Variants in TASP1 observed in about 807,000 individuals in gnomAD.
The protein encoded by TASP1 is threonine aspartase 1.
In TASP1, 16 loss-of-function variants were observed where a neutral mutation model predicts 56.6. That is an observed-to-expected ratio of 0.28 (90% CI 0.19 to 0.43). The LOEUF is 0.43. Among genes scored for constraint, TASP1 ranks in the 20% least tolerant of loss-of-function variants. The pLI, the probability that TASP1 is intolerant of heterozygous loss-of-function variation, is 1.00. For missense variants in TASP1, 393 were observed against 511.6 expected, an observed-to-expected ratio of 0.77 and a Z score of 2.24; for synonymous variants, 179 against 184.2, an observed-to-expected ratio of 0.97 and a Z score of 0.23.
At chr20:13,508,407 T>G (rs1053566674) in intron 10 of TASP1, among the ~76,000 whole-genome samples, 2 of 152,146 alleles carry the variant, frequency 1.3e-5, no homozygotes, top group African/African-American at 4.8e-5. Flanking sequence ...ATTTGAAATT[T>G]TTTGAGTGCC....
the TASP1 span, among the ~76,000 whole-genome samples, chr20:13,190,318 C>A: frequency 6.6e-6 from 1 of 152,130 alleles, no homozygotes; most frequent in Non-Finnish European, 1.5e-5. Flanking sequence ...AACAGACCAC[C>A]TGACTTCAAA....
At chr20:13,541,665 C>T (rs1010396491) in intron 8 of TASP1, among the ~76,000 whole-genome samples, 2 of 152,188 alleles carry the variant, frequency 1.3e-5, no homozygotes, top group East Asian at 1.9e-4. Context: ...ATGTTTTATA[C>T]ACTAACATAT....
intron 10 of TASP1, among the ~76,000 whole-genome samples, chr20:13,499,260 G>A (rs546826058): frequency 1.3e-5 from 2 of 152,128 alleles, no homozygotes; most frequent in South Asian, 4.2e-4. Flanking sequence ...GCTAAACATT[G>A]GGTATATATG....
At chr20:13,344,008 T>A in the TASP1 span, among the ~76,000 whole-genome samples, 2 of 152,038 alleles carry the variant, frequency 1.3e-5, no homozygotes, top group East Asian at 2.0e-4. Flanking sequence ...CTCTCACTGG[T>A]AGTCCCTCTG....
At chr20:13,509,030 T>C (rs981750849) in intron 10 of TASP1, among the ~76,000 whole-genome samples, 2 of 151,842 alleles carry the variant, frequency 1.3e-5, no homozygotes, top group African/African-American at 4.8e-5. Context: ...AAACAGACAA[T>C]TGCACTCCAA....
the TASP1 span, among the ~76,000 whole-genome samples, chr20:13,187,315 T>C: frequency 6.6e-6 from 1 of 151,940 alleles, no homozygotes; most frequent in African/African-American, 2.4e-5. Context: ...TTTTAAGTAG[T>C]AATGGCTGAG....
At chr20:13,182,182 G>A in the TASP1 span, among the ~76,000 whole-genome samples, 4 of 152,102 alleles carry the variant, frequency 2.6e-5, no homozygotes, top group South Asian at 2.1e-4. Context: ...AAAATATTCC[G>A]TCTTTCCTTC....
At chr20:13,319,010 A>G in the TASP1 span, among the ~76,000 whole-genome samples, 3 of 152,178 alleles carry the variant, frequency 2.0e-5, no homozygotes, top group South Asian at 6.2e-4. Context: ...AGTGAACCCT[A>G]ATGAACTCTG....
At chr20:13,580,097 A>G (rs1384430448) in intron 6 of TASP1, among the ~76,000 whole-genome samples, 2 of 152,214 alleles carry the variant, frequency 1.3e-5, no homozygotes. Context: ...GTGCAAACAC[A>G]GAATTACTTA....
the TASP1 span, among the ~76,000 whole-genome samples, chr20:13,315,082 T>G: frequency 6.6e-6 from 1 of 151,836 alleles, no homozygotes; most frequent in Admixed American, 6.6e-5. Context: ...TCACATAAAA[T>G]GCTCAGTGAA....
chr20:13,279,737 G>A, the TASP1 span: 1 of 1,613,986 alleles, frequency 6.2e-7, no homozygotes, highest in Non-Finnish European at 8.5e-7. Context: ...TGGCGGGCCT[G>A]GTGGCAGAGG....
chr20:13,154,797 T>A, the TASP1 span, among the ~76,000 whole-genome samples: 4 of 152,316 alleles, frequency 2.6e-5, no homozygotes, highest in Admixed American at 2.6e-4. Context: ...AACATGACTT[T>A]TTGTCAGTTT....
chr20:13,294,389 G>A, the TASP1 span, among the ~76,000 whole-genome samples: 1 of 152,220 alleles, frequency 6.6e-6, no homozygotes, highest in African/African-American at 2.4e-5. Context: ...AAATAGAAAT[G>A]ACTTTAAAGG....
chr20:13,513,285 G>A (rs182346401), intron 10 of TASP1, among the ~76,000 whole-genome samples: 1 of 152,190 alleles, frequency 6.6e-6, no homozygotes, highest in African/African-American at 2.4e-5. Context: ...TCGTCCTCAA[G>A]GAGCTCCTAG....
At chr20:13,292,490 A>G in the TASP1 span, 6 of 1,403,936 alleles carry the variant, frequency 4.3e-6, no homozygotes, top group Non-Finnish European at 5.9e-6. Context: ...TTTTAATCCA[A>G]ATATTGACTT....
chr20:13,186,304 G>A, the TASP1 span, among the ~76,000 whole-genome samples: 1 of 152,166 alleles, frequency 6.6e-6, no homozygotes, highest in Admixed American at 6.5e-5. Flanking sequence ...ACTTTCCCGG[G>A]GGGAAAAATG....
the TASP1 span, among the ~76,000 whole-genome samples, chr20:13,176,695 C>G: frequency 6.6e-6 from 1 of 151,954 alleles, no homozygotes. Flanking sequence ...ATTTTGATAT[C>G]AGGGTTTTAT....
intron 6 of TASP1, among the ~76,000 whole-genome samples, chr20:13,579,001 T>C (rs921420831): frequency 6.6e-6 from 1 of 152,204 alleles, no homozygotes; most frequent in African/African-American, 2.4e-5. Flanking sequence ...GGGATTATGG[T>C]AGATTCGTAG....
At chr20:13,251,902 T>C in the TASP1 span, among the ~76,000 whole-genome samples, 1 of 152,182 alleles carries the variant, frequency 6.6e-6, no homozygotes, top group Non-Finnish European at 1.5e-5. Flanking sequence ...TGGCTCTACC[T>C]TAAAAGTCAA....
Sources: gnomAD v4.1 joint callset for allele counts (sites outside exome capture counted in the v4.1 genomes callset) on GRCh38, gnomAD v4.1.1 for gene constraint, MANE v1.5 for transcripts, NCBI Gene and HGNC (gene_info 2026-07-23, HGNC 2026-07-21) for gene names.